The following MYBPC1 variants were observed in gnomAD, a reference collection of about 807,000 sequenced individuals.
MYBPC1 encodes myosin-binding protein C, slow-type.
A neutral mutation model predicts 147.1 loss-of-function variants in MYBPC1; 52 were observed. The observed-to-expected ratio is 0.35, with a 90% CI of 0.28 to 0.45. The LOEUF (loss-of-function observed/expected upper bound fraction) is 0.45, where lower values mean the gene tolerates loss of function less well. MYBPC1 is among the 20% of genes least tolerant of loss of function. MYBPC1 has a pLI of 1.00. For synonymous variants in MYBPC1, 477 were observed against 475.9 expected (o/e 1.00, Z -0.03); for missense variants, 1,228 against 1,440.3 (o/e 0.85, Z 2.39).
At chr12:101,637,411 C>T (rs1891216804) in intron 10 of MYBPC1, among the ~76,000 whole-genome samples, 1 of 152,026 alleles carries the variant, frequency 6.6e-6, no homozygotes, top group Non-Finnish European at 1.5e-5. Context: ...AGATTTCTCT[C>T]CATATATATT....
At chr12:101,616,364 A>T (rs957953534) in intron 2 of MYBPC1, among the ~76,000 whole-genome samples, 1 of 152,174 alleles carries the variant, frequency 6.6e-6, no homozygotes, top group South Asian at 2.1e-4. Context: ...TTTTCAGATC[A>T]GTTACTGCCA....
intron 25 of MYBPC1, 69 bp downstream of exon 25, chr12:101,673,691 A>C: frequency 6.6e-7 from 1 of 1,521,370 alleles, no homozygotes; most frequent in Non-Finnish European, 9.1e-7. Context: ...CTTGTCCCTA[A>C]GGCAAGAGCA....
intron 8 of MYBPC1, among the ~76,000 whole-genome samples, chr12:101,633,910 T>A (rs1339093109): frequency 1.4e-5 from 2 of 146,744 alleles, no homozygotes; most frequent in Non-Finnish European, 3.0e-5. Context: ...TTTTTTTTTT[T>A]AGACGGAGTC....
chr12:101,661,038 G>A (rs540037358), intron 19 of MYBPC1, 120 bp from the exon 20 acceptor site: 2 of 673,362 alleles, frequency 3.0e-6, no homozygotes, highest in East Asian at 2.8e-5. Context: ...AGTAAACATG[G>A]GAAAGTACTC....
chr12:101,626,233 G>A (rs1888580908), intron 3 of MYBPC1, among the ~76,000 whole-genome samples: 1 of 151,926 alleles, frequency 6.6e-6, no homozygotes, highest in South Asian at 2.1e-4. Flanking sequence ...TTTTTTAAAA[G>A]GGAAATATTC....
chr12:101,634,254 G>A (rs1358127060), intron 8 of MYBPC1, among the ~76,000 whole-genome samples: 5 of 152,164 alleles, frequency 3.3e-5, no homozygotes, highest in African/African-American at 1.2e-4. Flanking sequence ...TGATCTGGTG[G>A]ATCAACATCT....
At chr12:101,612,987 C>G (rs970229904) in intron 1 of MYBPC1, among the ~76,000 whole-genome samples, 1 of 152,210 alleles carries the variant, frequency 6.6e-6, no homozygotes, top group Non-Finnish European at 1.5e-5. Context: ...TACATCACAT[C>G]CTGCCACGTT....
At chr12:101,632,608 G>A (rs1005622888) in intron 8 of MYBPC1, among the ~76,000 whole-genome samples, 3 of 152,176 alleles carry the variant, frequency 2.0e-5, no homozygotes, top group African/African-American at 4.8e-5. Context: ...AAATGCATAC[G>A]ATGAGGTTGG....
chr12:101,638,776 T>G (rs1391895425), intron 10 of MYBPC1, among the ~76,000 whole-genome samples: 1 of 152,204 alleles, frequency 6.6e-6, no homozygotes, highest in Non-Finnish European at 1.5e-5. Context: ...AAAAATCACT[T>G]AATGGGCAGC....
chr12:101,621,228 T>C (rs959195162), intron 3 of MYBPC1, among the ~76,000 whole-genome samples: 8 of 152,210 alleles, frequency 5.3e-5, no homozygotes, highest in Non-Finnish European at 8.8e-5. Flanking sequence ...TCTAATTACA[T>C]TACTTCTTTG....
At chr12:101,628,265 C>A in intron 5 of MYBPC1, 1 of 212,868 alleles carries the variant, frequency 4.7e-6, no homozygotes, top group Non-Finnish European at 9.6e-6. Context: ...CTCTTATGGG[C>A]CAGCCACTCC....
chr12:101,685,309 C>T (rs774532211), intron 31 of MYBPC1, among the ~76,000 whole-genome samples: 2 of 152,132 alleles, frequency 1.3e-5, no homozygotes, highest in Non-Finnish European at 2.9e-5. Flanking sequence ...ACTTTCCAAC[C>T]ACTTGGGAAT....
chr12:101,688,273 G>T (rs187210811), downstream of MYBPC1, among the ~76,000 whole-genome samples: 1 of 152,126 alleles, frequency 6.6e-6, no homozygotes, highest in Non-Finnish European at 1.5e-5. Flanking sequence ...ATAAAAATTA[G>T]TTGGGCGTGG....
intron 10 of MYBPC1, among the ~76,000 whole-genome samples, chr12:101,640,479 G>A (rs921306842): frequency 6.6e-6 from 1 of 152,156 alleles, no homozygotes; most frequent in Non-Finnish European, 1.5e-5. Context: ...ATTTTCTCAT[G>A]TTAATAAAGG....
intron 1 of MYBPC1, among the ~76,000 whole-genome samples, chr12:101,612,777 CA>C (rs1488138495): frequency 6.6e-6 from 1 of 152,200 alleles, no homozygotes; most frequent in African/African-American, 2.4e-5. Flanking sequence ...TGTGCTGCAA[CA>C]ACTTATTCAA....
chr12:101,693,375 C>T, the MYBPC1 span, among the ~76,000 whole-genome samples: 4 of 152,160 alleles, frequency 2.6e-5, no homozygotes, highest in African/African-American at 7.2e-5. Context: ...TACTACTACT[C>T]AGTTAAAAAA....
At chr12:101,614,391 A>G in intron 1 of MYBPC1, 105 bp from the exon 2 acceptor site, 1 of 1,236,742 alleles carries the variant, frequency 8.1e-7, no homozygotes. Flanking sequence ...GTGAGTACAC[A>G]CAGGTGAGAT....
At chr12:101,682,799 C>A in intron 30 of MYBPC1, 137 bp downstream of exon 30, 4 of 803,074 alleles carry the variant, frequency 5.0e-6, no homozygotes, top group Non-Finnish European at 8.3e-6. Context: ...GCATACAGTG[C>A]TTATGCCATG....
In MYBPC1 at chr12:101,634,265, T is replaced by C. The variant is rs112368617; in HGVS notation, c.557-289T>C. ...TCCCTGATCTGGTGGATCAACATCT[T>C]TGGCAGAGAGGATCAAGAAACTGAT... On this transcript the variant is annotated intron_variant, in intron 8 of 31. Transcript: ENST00000361466. Among the ~76,000 whole-genome samples, 776 of 152,284 alleles carry C rather than the reference T, an allele frequency of 5.1e-3. 4 individuals carry two copies. The highest frequency in any genetic ancestry group is 0.018 in the African/African-American group (740 of 41,562).
Sources: allele counts gnomAD v4.1 joint callset (sites outside exome capture counted in the v4.1 genomes callset), GRCh38; gene constraint gnomAD v4.1.1; transcripts MANE v1.5; gene names NCBI Gene and HGNC (gene_info 2026-07-23, HGNC 2026-07-21).